CNTNAP2: variants seen among roughly 807,000 people sequenced by gnomAD.
The protein encoded by CNTNAP2 is contactin associated protein 2, also known as contactin-associated protein-like 2.
In CNTNAP2, 98 loss-of-function variants were observed where a neutral mutation model predicts 155.2. The ratio of observed to expected loss-of-function variants is 0.63; its 90% CI spans 0.54 to 0.75. The LOEUF is 0.75. Among genes scored for constraint, CNTNAP2 ranks in the 30% least tolerant of loss-of-function variants. The pLI, the probability that CNTNAP2 is intolerant of heterozygous loss-of-function variation, is 0.00. For missense variants in CNTNAP2, 1,727 were observed against 1,688.1 expected, an observed-to-expected ratio of 1.02 and a Z score of -0.40; for synonymous variants, 651 against 631.2, an observed-to-expected ratio of 1.03 and a Z score of -0.47.
At chr7:148,362,882 A>G (rs1798653266) in intron 21 of CNTNAP2, among the ~76,000 whole-genome samples, 1 of 152,256 alleles carries the variant, frequency 6.6e-6, no homozygotes, top group Non-Finnish European at 1.5e-5. Context: ...ACCATGGTGC[A>G]AAAGCAATAC....
chr7:146,240,308 G>A (rs1799539472), intron 1 of CNTNAP2, among the ~76,000 whole-genome samples: 1 of 152,008 alleles, frequency 6.6e-6, no homozygotes, highest in Non-Finnish European at 1.5e-5. Context: ...CTTTAGCAGT[G>A]TAAGCTACCT....
intron 12 of CNTNAP2, among the ~76,000 whole-genome samples, chr7:147,601,309 G>T (rs1800938258): frequency 6.6e-6 from 1 of 152,048 alleles, no homozygotes; most frequent in Non-Finnish European, 1.5e-5. Flanking sequence ...CCAGCAAAGG[G>T]AGATGGGGTG....
rs37046 is a variant in CNTNAP2, at chr7:146,712,198, A to T, written c.98-62073A>T. Reference sequence around the variant, plus strand: ...TATGTATACATATCTTATGTATACAAATATGTATACATATCTTATGTATAC... The same window carrying T: ...TATGTATACATATCTTATGTATACATATATGTATACATATCTTATGTATAC... On this transcript the variant is annotated intron_variant, in intron 1 of 23. Transcript: ENST00000361727. Among the ~76,000 whole-genome samples, 744 of 107,850 alleles carry T rather than the reference A, an allele frequency of 6.9e-3. 50 individuals are homozygous for T. Among genetic ancestry groups the T allele is most frequent in the African/African-American group, 0.025 (568 of 22,582 alleles). The allele number at this position is 107,850 out of a possible 152,430, so 70.8% of individuals were successfully genotyped here.
intron 21 of CNTNAP2, among the ~76,000 whole-genome samples, chr7:148,325,134 A>G (rs1487746226): frequency 2.0e-5 from 3 of 152,266 alleles, no homozygotes; most frequent in Non-Finnish European, 4.4e-5. Flanking sequence ...TTCTTGTAAA[A>G]TAAATGGACA....
At chr7:148,130,974 G>A (rs1585142238) in intron 16 of CNTNAP2, among the ~76,000 whole-genome samples, 1 of 129,460 alleles carries the variant, frequency 7.7e-6, no homozygotes, top group Admixed American at 7.4e-5. Flanking sequence ...TCTGAATGGA[G>A]TAGTTTATCA....
intron 13 of CNTNAP2, among the ~76,000 whole-genome samples, chr7:147,773,288 G>A (rs118078373): frequency 0.013 from 2,019 of 152,150 alleles, 101 homozygotes; most frequent in Admixed American, 0.089. Context: ...AGATTTTGTA[G>A]GAACACTTAG....
intron 1 of CNTNAP2, among the ~76,000 whole-genome samples, chr7:146,735,024 A>G (rs899806769): frequency 1.3e-5 from 2 of 152,228 alleles, no homozygotes; most frequent in African/African-American, 2.4e-5. Flanking sequence ...AAATTTTGAA[A>G]GAGTCTTTTG....
In CNTNAP2 at chr7:147,761,296, A is replaced by G. The variant is rs148217721; in HGVS notation, c.2098+121990A>G. On this transcript the variant is annotated intron_variant, in intron 13 of 23. Transcript: ENST00000361727. ...TTTAATCTTTAGATAGTAGATTCCA[A>G]TCAAGATTTTCTGTTCCAGGTACAT... Among the ~76,000 whole-genome samples, 464 of 152,306 alleles carry G rather than the reference A, an allele frequency of 3.0e-3. 1 individual carries two copies. The highest frequency in any genetic ancestry group is 0.01 in the African/African-American group (435 of 41,564).
chr7:146,933,684 A>G (rs1279100912), intron 3 of CNTNAP2, among the ~76,000 whole-genome samples: 4 of 149,810 alleles, frequency 2.7e-5, no homozygotes, highest in Non-Finnish European at 6.0e-5. Context: ...TTCGCAACCT[A>G]CTCATCTGAC....
At chr7:147,019,449 T>C (rs2129246054) in intron 3 of CNTNAP2, among the ~76,000 whole-genome samples, 1 of 152,122 alleles carries the variant, frequency 6.6e-6, no homozygotes, top group African/African-American at 2.4e-5. Context: ...AAACACAAAG[T>C]AAATTCAAAC....
chr7:146,643,794 T>C (rs909874050), intron 1 of CNTNAP2, among the ~76,000 whole-genome samples: 16 of 152,124 alleles, frequency 1.1e-4, no homozygotes, highest in East Asian at 3.9e-4. Flanking sequence ...TACCCATGAG[T>C]ATGGAATGTT....
At chr7:148,162,222 A>T (rs759428089) in intron 17 of CNTNAP2, among the ~76,000 whole-genome samples, 61 of 152,370 alleles carry the variant, frequency 4.0e-4, no homozygotes, top group Middle Eastern at 3.4e-3. Context: ...TACTTCAAAG[A>T]TGACAAAACT....
chr7:147,244,938 G>A (rs1330028809), intron 8 of CNTNAP2, among the ~76,000 whole-genome samples: 3 of 152,032 alleles, frequency 2.0e-5, no homozygotes, highest in Non-Finnish European at 4.4e-5. Context: ...ATTTACTCTA[G>A]AAAGTAAAGC....
intron 1 of CNTNAP2, among the ~76,000 whole-genome samples, chr7:146,525,314 C>A (rs1797672419): frequency 6.6e-6 from 1 of 152,078 alleles, no homozygotes; most frequent in Non-Finnish European, 1.5e-5. Flanking sequence ...ACGCCACTTA[C>A]ATATTTTCAT....
intron 1 of CNTNAP2, among the ~76,000 whole-genome samples, chr7:146,596,084 T>C (rs140610245): frequency 5.0e-4 from 76 of 152,126 alleles, no homozygotes; most frequent in Admixed American, 4.2e-3. Context: ...TTGCTTGAGA[T>C]CATGTGTCAA....
intron 8 of CNTNAP2, chr7:147,161,685 CCT>C (rs1802027949): frequency 6.6e-6 from 1 of 152,144 alleles, no homozygotes; most frequent in Non-Finnish European, 1.5e-5. Context: ...TTTACTAGAA[CCT>C]CTGTTCACAG....
chr7:148,187,947 C>T (rs1465834431), intron 18 of CNTNAP2, among the ~76,000 whole-genome samples: 1 of 152,040 alleles, frequency 6.6e-6, no homozygotes, highest in South Asian at 2.1e-4. Flanking sequence ...CACCCCCTAC[C>T]CATCACAGAC....
At chr7:148,045,824 TC>T (rs1802764909) in intron 15 of CNTNAP2, among the ~76,000 whole-genome samples, 3 of 152,158 alleles carry the variant, frequency 2.0e-5, no homozygotes, top group African/African-American at 7.2e-5. Context: ...GATAAACAGT[TC>T]ATATGTTATA....
chr7:148,030,117 G>A (rs1399261210), intron 15 of CNTNAP2, among the ~76,000 whole-genome samples: 6 of 152,174 alleles, frequency 3.9e-5, no homozygotes, highest in African/African-American at 1.4e-4. Flanking sequence ...GTATCTGTCT[G>A]TGTTGCTTTC....
Sources: allele counts gnomAD v4.1 joint callset (sites outside exome capture counted in the v4.1 genomes callset), GRCh38; gene constraint gnomAD v4.1.1; transcripts MANE v1.5; gene names NCBI Gene and HGNC (gene_info 2026-07-23, HGNC 2026-07-21).